FRMPD1: variants seen among roughly 807,000 people sequenced by gnomAD.
The protein encoded by FRMPD1 is FERM and PDZ domain containing 1.
In FRMPD1, 76 loss-of-function variants were observed where a neutral mutation model predicts 117.8. That is an observed-to-expected ratio of 0.65 (90% CI 0.54 to 0.78). The LOEUF (loss-of-function observed/expected upper bound fraction) is 0.78, where lower values mean the gene tolerates loss of function less well. Among genes scored for constraint, FRMPD1 ranks in the 30% least tolerant of loss-of-function variants. FRMPD1 has a pLI of 0.00. For synonymous variants in FRMPD1, 783 were observed against 770.4 expected, an observed-to-expected ratio of 1.02 and a Z score of -0.27; for missense variants, 1,786 against 1,964.5, an observed-to-expected ratio of 0.91 and a Z score of 1.72.
Position 37,740,327 on chromosome 9 carries a change from A to G in FRMPD1, c.1799A>G (p.Tyr600Cys), listed in dbSNP as rs780742727. 1.2e-5 allele frequency: 19 copies of G among 1,613,706 alleles called. No individual in the cohort carries two copies. Among genetic ancestry groups the G allele is most frequent in the East Asian group, 2.2e-5 (1 of 44,896 alleles). ...TCAGCCAACACTGAGAGCCGCGGCT[A>G]CAGGACCAGTGGCTCGAGTGAGTCC... ...SDSANTESRGYRTSGSSESMD... is the reference protein window; with the variant it reads ...SDSANTESRGCRTSGSSESMD... Residue 600 changes from tyrosine (Y) to cysteine (C), a missense_variant, in exon 15 of 16, where the codon TAC becomes TGC. By Grantham distance (194) the Tyr-to-Cys change is radical. Coordinates refer to ENST00000377765, the MANE Select transcript of FRMPD1 (RefSeq NM_014907.3). This position sits in a 1 kb window ranked among gnomAD's most constrained non-coding sequence, Gnocchi z 4.2.
At chr9:37,738,571 T>G (rs1824240554) in intron 14 of FRMPD1, among the ~76,000 whole-genome samples, 1 of 152,174 alleles carries the variant, frequency 6.6e-6, no homozygotes, top group South Asian at 2.1e-4. Flanking sequence ...GCCCCTGACC[T>G]CAAATGATCT....
At chr9:37,666,717 A>G (rs1189363425) in intron 1 of FRMPD1, among the ~76,000 whole-genome samples, 4 of 152,106 alleles carry the variant, frequency 2.6e-5, no homozygotes, top group Non-Finnish European at 5.9e-5. Flanking sequence ...TTTACTTTGT[A>G]TTTCAGTGAT....
chr9:37,705,177 A>G (rs906827769), intron 2 of FRMPD1, among the ~76,000 whole-genome samples: 3 of 151,626 alleles, frequency 2.0e-5, no homozygotes, highest in Admixed American at 2.0e-4. Context: ...TTTGTTCATC[A>G]TTTTCTGTGT....
At chr9:37,642,641 T>C in the FRMPD1 span, among the ~76,000 whole-genome samples, 2 of 152,236 alleles carry the variant, frequency 1.3e-5, no homozygotes, top group African/African-American at 4.8e-5. Flanking sequence ...CAGAGGGCTC[T>C]GTTTCCTCCT....
At chr9:37,743,010 A>G (rs915462075) in intron 15 of FRMPD1, among the ~76,000 whole-genome samples, 3 of 152,244 alleles carry the variant, frequency 2.0e-5, no homozygotes, top group South Asian at 2.1e-4. Context: ...TAAGGTTTCT[A>G]ATAGCATACA....
chr9:37,670,842 G>T (rs1216820136), intron 1 of FRMPD1, among the ~76,000 whole-genome samples: 1 of 152,180 alleles, frequency 6.6e-6, no homozygotes, highest in Admixed American at 6.5e-5. Flanking sequence ...TTGAAAAATT[G>T]TCTTAATGTT....
chr9:37,656,326 A>G (rs890722903), intron 1 of FRMPD1, among the ~76,000 whole-genome samples: 2 of 152,188 alleles, frequency 1.3e-5, no homozygotes, highest in African/African-American at 2.4e-5. Context: ...TCATTTGATG[A>G]TGGGTTGATG....
chr9:37,663,995 G>A (rs961188756), intron 1 of FRMPD1, among the ~76,000 whole-genome samples: 4 of 152,160 alleles, frequency 2.6e-5, no homozygotes, highest in East Asian at 1.9e-4. Context: ...GGATGCAGAA[G>A]CCCCAGATAT....
At chr9:37,673,201 G>A (rs1821414019) in intron 1 of FRMPD1, among the ~76,000 whole-genome samples, 1 of 152,142 alleles carries the variant, frequency 6.6e-6, no homozygotes, top group African/African-American at 2.4e-5. Context: ...CATGTATTGG[G>A]TAAACACAGC....
chr9:37,731,130 A>G (rs1430188647), intron 9 of FRMPD1, 27 bp downstream of exon 9: 8 of 1,609,054 alleles, frequency 5.0e-6, no homozygotes, highest in Non-Finnish European at 6.8e-6. Flanking sequence ...TTCCTAAAAT[A>G]ACAGTGGTTG....
At chr9:37,703,840 T>C (rs1370264846) in intron 2 of FRMPD1, among the ~76,000 whole-genome samples, 2 of 152,258 alleles carry the variant, frequency 1.3e-5, no homozygotes, top group Non-Finnish European at 2.9e-5. Context: ...TCATCCATGT[T>C]TCATTCCTTT....
At position 37,729,847 on chromosome 9, in the gene FRMPD1, C is replaced by T. The variant is rs762728995; in HGVS notation, c.732C>T (p.Ile244=). 6 of 1,613,432 alleles carry T rather than the reference C, an allele frequency of 3.7e-6. No individual in the cohort carries two copies. The Admixed American group carries it at 8.3e-5, about 22-fold the overall frequency. ...RLHLLHEEEL[I]QQVVEREESH... is the part of the protein sequence containing the mutation. ...ACCTGCTGCACGAAGAGGAACTCAT[C>T]CAGCAGGTAGGGAGGACTGACCGCC... is the stretch of plus-strand genomic sequence containing the variant. Residue 244 remains isoleucine (I), a synonymous_variant, in exon 8 of 16, where the codon ATC becomes ATT. Transcript: ENST00000377765.
At chr9:37,610,151 G>A in the FRMPD1 span, among the ~76,000 whole-genome samples, 2 of 152,244 alleles carry the variant, frequency 1.3e-5, no homozygotes, top group Admixed American at 6.5e-5. Flanking sequence ...CTCCATGAAT[G>A]TGGAGATTTT....
At chr9:37,689,123 A>C (rs1822048969) in intron 1 of FRMPD1, among the ~76,000 whole-genome samples, 1 of 151,974 alleles carries the variant, frequency 6.6e-6, no homozygotes, top group Non-Finnish European at 1.5e-5. Flanking sequence ...ATATGCTTGC[A>C]TTCTTATTTT....
rs1169475379 is a variant in FRMPD1, at chr9:37,724,235, T to C, written c.527T>C (p.Leu176Pro). The change falls in exon 7 of 16, where the codon CTG becomes CCG. Residue 176 changes from leucine (L) to proline (P), a missense_variant. Coordinates refer to ENST00000377765, the MANE Select transcript of FRMPD1 (RefSeq NM_014907.3). ...LISGHSQGNSLLCMPNVLKLY... is the reference protein window; with the variant it reads ...LISGHSQGNSPLCMPNVLKLY... ...TCTTGTGTTTTCCAGGGTAATTCTCTGCTGTGTATGCCCAACGTGCTCAAG... is the reference window on the plus strand; with the variant it reads ...TCTTGTGTTTTCCAGGGTAATTCTCCGCTGTGTATGCCCAACGTGCTCAAG... The C allele has an allele frequency of 1.3e-6, 2 of 1,573,602 alleles. No individual in the cohort carries two copies. Among genetic ancestry groups the C allele is most frequent in the Admixed American group, 1.7e-5 (1 of 59,954 alleles).
chr9:37,604,637 TA>T, the FRMPD1 span, among the ~76,000 whole-genome samples: 2 of 152,222 alleles, frequency 1.3e-5, no homozygotes, highest in African/African-American at 4.8e-5. Flanking sequence ...TCAGGGATGG[TA>T]GAAAATTGCT....
chr9:37,738,287 C>T (rs1468380594), intron 14 of FRMPD1, among the ~76,000 whole-genome samples: 2 of 151,934 alleles, frequency 1.3e-5, no homozygotes, highest in African/African-American at 2.4e-5. Context: ...GGTACTAATA[C>T]AATAAGTAAA....
the FRMPD1 span, among the ~76,000 whole-genome samples, chr9:37,610,721 A>C: frequency 6.6e-6 from 1 of 151,704 alleles, no homozygotes; most frequent in African/African-American, 2.4e-5. Flanking sequence ...CAGCCTCCTG[A>C]GTAGCTGCGA....
At chr9:37,736,012 T>TG (rs1325574127) in intron 13 of FRMPD1, among the ~76,000 whole-genome samples, 1 of 151,330 alleles carries the variant, frequency 6.6e-6, no homozygotes, top group East Asian at 2.0e-4. Context: ...GATTTTTTTT[T>TG]TTTTTTGAGA....
Sources: gnomAD v4.1 joint callset for allele counts (sites outside exome capture counted in the v4.1 genomes callset) on GRCh38, gnomAD v4.1.1 for gene constraint, Gnocchi (gnomAD v3.1) non-coding constraint, MANE v1.5 for transcripts, NCBI Gene and HGNC (gene_info 2026-07-23, HGNC 2026-07-21) for gene names.